Variants in TECR observed in about 807,000 individuals in gnomAD.
The protein encoded by TECR is very-long-chain enoyl-CoA reductase.
A neutral mutation model predicts 50.6 loss-of-function variants in TECR; 19 were observed. That is an observed-to-expected ratio of 0.38 (90% CI 0.26 to 0.55). TECR has a LOEUF of 0.55. TECR is among the 20% of genes least tolerant of loss of function. The probability of loss-of-function intolerance (pLI) is 0.79; values close to 1 mark genes in which losing one functional copy is unlikely to be tolerated. For synonymous variants in TECR, 168 were observed against 163.5 expected, an observed-to-expected ratio of 1.03 and a Z score of -0.21; for missense variants, 313 against 408.3, an observed-to-expected ratio of 0.77 and a Z score of 2.01.
rs71166754 is a variant in TECR, at chr19:14,542,347, G to GTTTTTTTTTTTTTTTTTTT, written c.15+12647_15+12665dup. Among the ~76,000 whole-genome samples, 16 of 43,300 alleles carry GTTTTTTTTTTTTTTTTTTT rather than the reference G, an allele frequency of 3.7e-4. 3 individuals carry two copies. Among genetic ancestry groups the GTTTTTTTTTTTTTTTTTTT allele is most frequent in the Non-Finnish European group, 7.0e-4 (16 of 22,812 alleles). 28.4% of individuals were successfully genotyped at this position (43,300 alleles called of 152,430 possible). A position where few individuals can be genotyped will look rare whatever the true frequency, so the allele number is the denominator to read the frequency against. On this transcript the variant is annotated intron_variant, in intron 1 of 12. Coordinates refer to ENST00000215567, the MANE Select transcript of TECR (RefSeq NM_138501.6). ...CCTCAGGGGGCCCTCATGCCATAGT[G>GTTTTTTTTTTTTTTTTTTT]TTTTTTTTTTTTTTTTTTTTTTTTT...
At chr19:14,542,345 GTGTT>G (rs2073123693) in intron 1 of TECR, among the ~76,000 whole-genome samples, 1 of 61,000 alleles carries the variant, frequency 1.6e-5, no homozygotes, top group African/African-American at 5.2e-5. Flanking sequence ...TCATGCCATA[GTGTT>G]TTTTTTTTTT....
rs1352140471 is a variant in TECR, at chr19:14,562,277, C to T, written c.16-248C>T. 9.5e-5 allele frequency: 58 copies of T among 612,030 alleles called. 1 individual carries two copies. The highest frequency in any genetic ancestry group is 1.5e-4 in the Non-Finnish European group (50 of 342,744). 37.9% of individuals were successfully genotyped at this position (612,030 alleles called of 1,614,324 possible). Reference sequence around the variant, plus strand: ...CCAGCACCGCGGCAGAATTTGATCGCGCTTGCCCGGCCCAGGGCTGCTTCC... The same window carrying T: ...CCAGCACCGCGGCAGAATTTGATCGTGCTTGCCCGGCCCAGGGCTGCTTCC... On this transcript the variant is annotated intron_variant, in intron 1 of 12. Transcript: ENST00000215567.
chr19:14,562,633 C>T, intron 2 of TECR, 58 bp downstream of exon 2: 1 of 1,598,130 alleles, frequency 6.3e-7, no homozygotes, highest in Non-Finnish European at 8.6e-7. Context: ...GACCCCAATC[C>T]TTATAGCCCA....
intron 1 of TECR, among the ~76,000 whole-genome samples, chr19:14,542,380 A>G (rs1254628435): frequency 8.6e-4 from 34 of 39,344 alleles, no homozygotes; most frequent in African/African-American, 1.9e-3. Flanking sequence ...TTTTTTTCTG[A>G]GATGGAGTTT....
At chr19:14,535,693 C>A (rs73002838) in intron 1 of TECR, among the ~76,000 whole-genome samples, 2 of 129,718 alleles carry the variant, frequency 1.5e-5, no homozygotes, top group Admixed American at 1.7e-4. Context: ...AGGTGGAGGT[C>A]GCGGACGAGC....
At chr19:14,535,522 A>T (rs1460395115) in intron 1 of TECR, among the ~76,000 whole-genome samples, 3 of 56,934 alleles carry the variant, frequency 5.3e-5, no homozygotes, top group African/African-American at 2.8e-4. Context: ...AAAAAAAAAA[A>T]AAAAAAAAAA....
At chr19:14,536,856 C>G (rs979040848) in intron 1 of TECR, among the ~76,000 whole-genome samples, 14 of 151,664 alleles carry the variant, frequency 9.2e-5, no homozygotes, top group Non-Finnish European at 1.5e-4. Context: ...AGATACATAC[C>G]TGGAAAGCCT....
At chr19:14,541,538 T>C (rs1347790004) in intron 1 of TECR, among the ~76,000 whole-genome samples, 1 of 152,206 alleles carries the variant, frequency 6.6e-6, no homozygotes, top group Admixed American at 6.5e-5. Context: ...TTTTCCCTCT[T>C]ATCAATGCTA....
At chr19:14,530,696 T>C (rs1340682507) in intron 1 of TECR, 1 of 152,224 alleles carries the variant, frequency 6.6e-6, no homozygotes, top group African/African-American at 2.4e-5. Context: ...CTAGCCACTA[T>C]GCCATGCTGG....
chr19:14,564,294 G>T lies in TECR; in HGVS notation c.489+7G>T, dbSNP rs750672644. 6.3e-7 allele frequency: 1 copy of T among 1,589,052 alleles called. No individual in the cohort carries two copies. Among genetic ancestry groups the T allele is most frequent in the South Asian group, 1.1e-5 (1 of 90,872 alleles). On this transcript the variant is annotated splice_region_variant and intron_variant, in intron 7 of 12. Coordinates refer to ENST00000215567, the MANE Select transcript of TECR (RefSeq NM_138501.6). ...TTTGCGCAACATCTTCAAGGTGAGA[G>T]CCCGTCCCCGCCTCACCCCTAAGCC...
At chr19:14,530,018 T>C in intron 1 of TECR, 1 of 511,976 alleles carries the variant, frequency 2.0e-6, no homozygotes, top group Non-Finnish European at 3.6e-6. Context: ...GACTTTGTCA[T>C]GGGAGCCACG....
At chr19:14,529,851 C>T (rs1438222832) in intron 1 of TECR, 140 bp downstream of exon 1, 3 of 1,150,966 alleles carry the variant, frequency 2.6e-6, no homozygotes, top group South Asian at 2.6e-5. Flanking sequence ...GCAAGCGTTG[C>T]GCCCCGGGCC....
intron 7 of TECR, 43 bp downstream of exon 7, chr19:14,564,330 G>GGCC (rs2073995885): frequency 7.5e-7 from 1 of 1,324,524 alleles, no homozygotes; most frequent in Non-Finnish European, 9.9e-7. Context: ...CCGCCTTTCT[G>GGCC]CCCCACCCCG....
In TECR at chr19:14,543,376, C is replaced by T. The variant is rs376416383; in HGVS notation, c.15+13665C>T. Among the ~76,000 whole-genome samples, 123 of 100,188 alleles carry T rather than the reference C, an allele frequency of 1.2e-3. 2 individuals are homozygous for T. The East Asian group carries it at 0.036, about 30-fold the overall frequency. The allele number at this position is 100,188 out of a possible 152,430, so 65.7% of individuals were successfully genotyped here. On this transcript the variant is annotated intron_variant, in intron 1 of 12. Transcript: ENST00000215567. ...GAAACAGTGTATTGCCTGTATACTA[C>T]TTGTTTCAGAGAATATATATATATA...
chr19:14,529,829 C>G lies in TECR; in HGVS notation c.15+118C>G. 5.5e-6 allele frequency: 8 copies of G among 1,449,354 alleles called. No individual in the cohort carries two copies. The South Asian group carries it at 8.1e-5, about 15-fold the overall frequency. The allele number at this position is 1,449,354 out of a possible 1,614,324, so 89.8% of individuals were successfully genotyped here. On this transcript the variant is annotated intron_variant, in intron 1 of 12. Transcript: ENST00000215567. ...GCCCCGAAGGAAGAGCCAGACGGCG[C>G]AGGCGCAGTGGGCAAGCGTTGCGCC... is the stretch of plus-strand genomic sequence containing the variant.
intron 1 of TECR, among the ~76,000 whole-genome samples, chr19:14,535,143 C>G (rs1259494919): frequency 6.6e-6 from 1 of 151,718 alleles, no homozygotes; most frequent in East Asian, 1.9e-4. Flanking sequence ...GAGGCTGAGG[C>G]AGGAGGATCA....
upstream of TECR, chr19:14,529,382 G>C (rs1476806457): frequency 7.4e-6 from 4 of 543,318 alleles, no homozygotes; most frequent in Non-Finnish European, 1.3e-5. Flanking sequence ...CCTTTGGATT[G>C]GTGGATGGTC....
Position 14,543,876 on chromosome 19 carries a change from C to T in TECR, c.15+14165C>T, listed in dbSNP as rs529403032. Among the ~76,000 whole-genome samples, 16 of 151,852 alleles carry T rather than the reference C, an allele frequency of 1.1e-4. No homozygotes were observed. The South Asian group carries it at 3.3e-3, about 32-fold the overall frequency. On this transcript the variant is annotated intron_variant, in intron 1 of 12. Transcript: ENST00000215567. ...TCTGCCTCCTGAGTAGCTGGGATTACAGGCATGCACCACCCCACACCTGGC... is the reference window on the plus strand; with the variant it reads ...TCTGCCTCCTGAGTAGCTGGGATTATAGGCATGCACCACCCCACACCTGGC...
intron 1 of TECR, among the ~76,000 whole-genome samples, chr19:14,545,369 G>C (rs1409590914): frequency 6.6e-6 from 1 of 152,128 alleles, no homozygotes; most frequent in Non-Finnish European, 1.5e-5. Context: ...TCCTCAGCAG[G>C]GTCCTCCCGG....
Sources: allele counts gnomAD v4.1 joint callset (sites outside exome capture counted in the v4.1 genomes callset), GRCh38; gene constraint gnomAD v4.1.1; transcripts MANE v1.5; gene names NCBI Gene and HGNC (gene_info 2026-07-23, HGNC 2026-07-21).